The following FOXP1 variants were observed in gnomAD, a reference collection of about 807,000 sequenced individuals.
FOXP1 encodes forkhead box P1.
In FOXP1, 15 loss-of-function variants were observed where a neutral mutation model predicts 98.2. The ratio of observed to expected loss-of-function variants is 0.15; its 90% confidence interval spans 0.10 to 0.24. The LOEUF (loss-of-function observed/expected upper bound fraction) is 0.24. Ranked by LOEUF, FOXP1 falls within the 10% of genes least tolerant of loss-of-function variation. The pLI is 1.00. For missense variants in FOXP1, 633 were observed against 848.5 expected (o/e 0.75, Z 3.15); for synonymous variants, 371 against 314.5 (o/e 1.18, Z -1.90).
chr3:71,025,144 T>C (rs964380457), intron 11 of FOXP1, among the ~76,000 whole-genome samples: 1 of 152,182 alleles, frequency 6.6e-6, no homozygotes, highest in Non-Finnish European at 1.5e-5. Context: ...GTAATAAGTA[T>C]ATGCAGACAA....
intron 6 of FOXP1, among the ~76,000 whole-genome samples, chr3:71,116,335 T>C (rs2058372667): frequency 6.6e-6 from 1 of 152,036 alleles, no homozygotes; most frequent in African/African-American, 2.4e-5. Flanking sequence ...TAATCCAAGA[T>C]ACAAGCACGG....
chr3:71,117,786 A>G (rs927540210), intron 6 of FOXP1, among the ~76,000 whole-genome samples: 1 of 152,142 alleles, frequency 6.6e-6, no homozygotes, highest in Admixed American at 6.5e-5. Context: ...CCTTTATAAC[A>G]GATGTGACAA....
At chr3:71,433,909 T>C (rs1414933158) in intron 3 of FOXP1, among the ~76,000 whole-genome samples, 3 of 152,238 alleles carry the variant, frequency 2.0e-5, no homozygotes, top group East Asian at 1.9e-4. Flanking sequence ...CACAGATCCA[T>C]GCCAAATGGA....
At chr3:71,016,385 G>A (rs1020535064) in intron 11 of FOXP1, among the ~76,000 whole-genome samples, 2 of 152,164 alleles carry the variant, frequency 1.3e-5, no homozygotes, top group African/African-American at 4.8e-5. Flanking sequence ...ACCATGTGGT[G>A]CTCGGGGAAG....
At chr3:70,980,368 A>G (rs749554685) in intron 14 of FOXP1, among the ~76,000 whole-genome samples, 22 of 152,176 alleles carry the variant, frequency 1.4e-4, no homozygotes, top group Non-Finnish European at 2.5e-4. Context: ...AGAATCTCAG[A>G]GCGCTTTGGA....
intron 7 of FOXP1, among the ~76,000 whole-genome samples, chr3:71,074,191 TAACA>T (rs1329386940): frequency 2.0e-5 from 3 of 152,202 alleles, no homozygotes; most frequent in Non-Finnish European, 4.4e-5. Context: ...TGTGCCCACT[TAACA>T]GACAGATAAA....
chr3:71,074,955 C>A (rs2053640819), intron 7 of FOXP1, among the ~76,000 whole-genome samples: 1 of 152,218 alleles, frequency 6.6e-6, no homozygotes, highest in African/African-American at 2.4e-5. Context: ...CAGACAGACA[C>A]CGATGATCTT....
intron 2 of FOXP1, among the ~76,000 whole-genome samples, chr3:71,553,089 G>T (rs536282462): frequency 5.9e-5 from 9 of 151,850 alleles, no homozygotes; most frequent in Admixed American, 4.6e-4. Context: ...CAGTATTTCT[G>T]GCCCATAATA....
chr3:71,490,294 C>G (rs1048038755), intron 3 of FOXP1, among the ~76,000 whole-genome samples: 2 of 151,938 alleles, frequency 1.3e-5, no homozygotes, highest in African/African-American at 4.8e-5. Flanking sequence ...GTCAGGAGTT[C>G]GAGACCAGCC....
At chr3:70,969,417 T>C (rs1410544467) in intron 19 of FOXP1, 1 of 152,202 alleles carries the variant, frequency 6.6e-6, no homozygotes, top group East Asian at 1.9e-4. Context: ...CTAAGGCCAG[T>C]GAATCTGCCT....
intron 3 of FOXP1, among the ~76,000 whole-genome samples, chr3:71,452,818 CCT>C (rs2087085574): frequency 6.6e-6 from 1 of 152,176 alleles, no homozygotes; most frequent in Non-Finnish European, 1.5e-5. Context: ...CCTTCCTTCC[CCT>C]TTCACTCAGT....
intron 9 of FOXP1, among the ~76,000 whole-genome samples, chr3:71,049,121 A>G (rs1248273561): frequency 2.0e-5 from 3 of 152,200 alleles, no homozygotes; most frequent in Non-Finnish European, 4.4e-5. Flanking sequence ...GTCTCCGTGC[A>G]GTCCCCTCGG....
At chr3:70,996,991 T>G (rs967701046) in intron 13 of FOXP1, among the ~76,000 whole-genome samples, 3 of 152,328 alleles carry the variant, frequency 2.0e-5, no homozygotes, top group Admixed American at 2.0e-4. Flanking sequence ...ACAAATGTTT[T>G]TCAAGTTCAA....
chr3:71,282,566 C>A (rs2071684309), intron 5 of FOXP1, among the ~76,000 whole-genome samples: 1 of 152,022 alleles, frequency 6.6e-6, no homozygotes, highest in South Asian at 2.1e-4. Flanking sequence ...TTTAGTTAAT[C>A]CTCAACTACT....
intron 6 of FOXP1, among the ~76,000 whole-genome samples, chr3:71,193,238 C>T (rs2063102946): frequency 1.5e-5 from 2 of 132,748 alleles, no homozygotes; most frequent in Admixed American, 1.5e-4. Flanking sequence ...AGCTCCGCCT[C>T]CCAGGTTCAC....
intron 12 of FOXP1, 83 bp downstream of exon 12, chr3:71,015,464 TCA>T: frequency 1.1e-6 from 1 of 895,144 alleles, no homozygotes; most frequent in Non-Finnish European, 1.8e-6. Context: ...AAACTCTCCA[TCA>T]AAAAGGCATT....
intron 4 of FOXP1, among the ~76,000 whole-genome samples, chr3:71,314,553 C>A (rs547680910): frequency 1.5e-4 from 19 of 125,630 alleles, no homozygotes; most frequent in Admixed American, 3.0e-4. Flanking sequence ...ATATATATAT[C>A]TGGCTGTCTG....
rs1180804992 is a variant in FOXP1 at position 71,094,278 on chromosome 3, C to CTT, written c.282+18256_282+18257dup. ...CATATAATTCCCTTTTTTTTCTTTT[C>CTT]TTTTTTTTTTTTTTTTTTTGAGACA... On this transcript the variant is annotated intron_variant, in intron 7 of 20. Transcript: ENST00000649528. Among the ~76,000 whole-genome samples the CTT allele has an allele frequency of 1.5e-3, 191 of 127,814 alleles. 1 individual carries two copies. Among genetic ancestry groups the CTT allele is most frequent in the Middle Eastern group, 8.1e-3 (2 of 248 alleles). 83.9% of individuals were successfully genotyped at this position (127,814 alleles called of 152,430 possible).
In FOXP1 at chr3:70,956,348, A is replaced by AT. The variant is rs746029702; in HGVS notation, c.*2898dup. On this transcript the variant is annotated 3_prime_UTR_variant, in exon 21 of 21. Coordinates refer to ENST00000649528, the MANE Select transcript of FOXP1 (RefSeq NM_001349338.3). The stretch of plus-strand genomic sequence containing the variant: ...AGTTTGCTTGCTGTAAAGCCTGAGA[A>AT]TTTTTTTTTCAGTTGGTTCTTCTGC... 118 of 229,320 alleles carry AT rather than the reference A, an allele frequency of 5.1e-4. 1 individual carries two copies. Among genetic ancestry groups the AT allele is most frequent in the South Asian group, 2.0e-3 (11 of 5,438 alleles). The allele number at this position is 229,320 out of a possible 1,614,324, so 14.2% of individuals were successfully genotyped here.
Sources: gnomAD v4.1 joint callset for allele counts (sites outside exome capture counted in the v4.1 genomes callset) on GRCh38, gnomAD v4.1.1 for gene constraint, MANE v1.5 for transcripts, NCBI Gene and HGNC (gene_info 2026-07-23, HGNC 2026-07-21) for gene names.